CTNNA3: variants seen among roughly 807,000 people sequenced by gnomAD.
The protein encoded by CTNNA3 is catenin alpha 3, also known as catenin alpha-3.
A neutral mutation model predicts 95.7 loss-of-function variants in CTNNA3; 76 were observed. The observed-to-expected ratio is 0.79, with a 90% CI of 0.66 to 0.96. CTNNA3 has a LOEUF of 0.96. Among genes scored for constraint, CTNNA3 ranks in the 40% least tolerant of loss-of-function variants. The probability of loss-of-function intolerance (pLI) is 0.00; values close to 1 mark genes in which losing one functional copy is unlikely to be tolerated. For missense variants in CTNNA3, 1,191 were observed against 1,089.8 expected (o/e 1.09, Z -1.31); for synonymous variants, 431 against 374.4 (o/e 1.15, Z -1.74).
chr10:67,528,197 A>T (rs1840208802), intron 4 of CTNNA3, among the ~76,000 whole-genome samples: 1 of 152,320 alleles, frequency 6.6e-6, no homozygotes, highest in South Asian at 2.1e-4. Flanking sequence ...CTAAATGGCT[A>T]GTATCATTAT....
At chr10:66,585,816 T>C (rs1843342838) in intron 10 of CTNNA3, among the ~76,000 whole-genome samples, 1 of 152,050 alleles carries the variant, frequency 6.6e-6, no homozygotes, top group South Asian at 2.1e-4. Flanking sequence ...TTTTTTTGAG[T>C]TGTCATAGAA....
At chr10:67,295,271 T>C (rs1244441258) in intron 5 of CTNNA3, among the ~76,000 whole-genome samples, 1 of 152,136 alleles carries the variant, frequency 6.6e-6, no homozygotes, top group African/African-American at 2.4e-5. Context: ...CAAAAGAAAA[T>C]TCTTTCTTAA....
chr10:66,365,634 G>A (rs549905580), intron 12 of CTNNA3, among the ~76,000 whole-genome samples: 2 of 152,116 alleles, frequency 1.3e-5, no homozygotes, highest in African/African-American at 2.4e-5. Context: ...CTGTAACATT[G>A]TCCAGTGATA....
chr10:66,953,063 C>G (rs1222734935), intron 7 of CTNNA3, among the ~76,000 whole-genome samples: 1 of 152,040 alleles, frequency 6.6e-6, no homozygotes, highest in Non-Finnish European at 1.5e-5. Context: ...AGAAACAACT[C>G]TAGTGTACAG....
intron 9 of CTNNA3, among the ~76,000 whole-genome samples, chr10:66,690,699 C>T (rs915287876): frequency 6.6e-6 from 1 of 151,836 alleles, no homozygotes; most frequent in African/African-American, 2.4e-5. Flanking sequence ...ATATGTGCCA[C>T]ATTTTCTTAA....
intron 7 of CTNNA3, among the ~76,000 whole-genome samples, chr10:66,943,346 C>G (rs1397134544): frequency 6.6e-6 from 1 of 151,862 alleles, no homozygotes; most frequent in Non-Finnish European, 1.5e-5. Flanking sequence ...TTTTTTTTTA[C>G]ACTTTAACAC....
chr10:66,707,004 A>T (rs1848139476), intron 9 of CTNNA3, among the ~76,000 whole-genome samples: 1 of 152,042 alleles, frequency 6.6e-6, no homozygotes, highest in Non-Finnish European at 1.5e-5. Context: ...TATAAGAGAC[A>T]CACAAGAAGA....
intron 14 of CTNNA3, among the ~76,000 whole-genome samples, chr10:66,102,477 G>A (rs2081676440): frequency 6.6e-6 from 1 of 152,160 alleles, no homozygotes; most frequent in South Asian, 2.1e-4. Context: ...AGAAGGAGGT[G>A]GCAGATGCAC....
intron 10 of CTNNA3, among the ~76,000 whole-genome samples, chr10:66,588,094 T>C (rs767957780): frequency 6.6e-6 from 1 of 152,056 alleles, no homozygotes; most frequent in Non-Finnish European, 1.5e-5. Context: ...TGCTGGAGTG[T>C]GAAAGTGCAG....
In CTNNA3 at chr10:66,520,774, C is replaced by G. The variant is rs1381560135; in HGVS notation, c.1375-1G>C. On this transcript the variant is annotated splice_acceptor_variant, in intron 10 of 17. Transcript: ENST00000433211. LOFTEE classifies it high-confidence loss of function. ...CCAAAGCAAGTGCAGCATTAATAAT[C>G]TATAAAGATAAGGATTGAAAAAATT... 6.2e-7 allele frequency: 1 copy of G among 1,611,252 alleles called. No individual in the cohort carries two copies. Among genetic ancestry groups the G allele is most frequent in the Non-Finnish European group, 8.5e-7 (1 of 1,178,708 alleles).
rs201650754 is a variant in CTNNA3 at position 67,097,797 on chromosome 10, C to A, written c.1047+82520G>T. On this transcript the variant is annotated intron_variant, in intron 7 of 17. Coordinates refer to ENST00000433211, the MANE Select transcript of CTNNA3 (RefSeq NM_013266.4). Reference sequence around the variant, plus strand: ...TGACCATAAACAGCAGCTAGCTTAACTGAGATCATTGGTAGCCAGGGGTTG... The same window carrying A: ...TGACCATAAACAGCAGCTAGCTTAAATGAGATCATTGGTAGCCAGGGGTTG... The A allele has an allele frequency of 5.9e-4, 944 of 1,611,986 alleles. 10 individuals carry two copies. The highest frequency in any genetic ancestry group is 5.0e-3 in the South Asian group (454 of 91,048).
At chr10:66,369,804 G>A (rs1036340084) in intron 12 of CTNNA3, among the ~76,000 whole-genome samples, 5 of 151,776 alleles carry the variant, frequency 3.3e-5, no homozygotes, top group Non-Finnish European at 7.4e-5. Context: ...ACCTTATTTC[G>A]GCAACAGCTA....
At chr10:66,892,190 C>T (rs749293014) in intron 7 of CTNNA3, among the ~76,000 whole-genome samples, 1 of 152,042 alleles carries the variant, frequency 6.6e-6, no homozygotes, top group African/African-American at 2.4e-5. Flanking sequence ...GCTTTAAGTA[C>T]AATGGCAACT....
intron 7 of CTNNA3, among the ~76,000 whole-genome samples, chr10:67,094,332 A>C (rs1191442181): frequency 2.0e-5 from 3 of 151,906 alleles, no homozygotes; most frequent in Non-Finnish European, 2.9e-5. Flanking sequence ...ATAGCCTTTT[A>C]ATGTCATCTC....
chr10:67,061,437 C>T (rs1218703181), intron 7 of CTNNA3, among the ~76,000 whole-genome samples: 2 of 152,132 alleles, frequency 1.3e-5, no homozygotes, highest in Non-Finnish European at 2.9e-5. Context: ...CTCCCCCTGT[C>T]CTGGGTTTTT....
intron 15 of CTNNA3, among the ~76,000 whole-genome samples, chr10:66,042,344 G>A (rs1194554745): frequency 3.3e-5 from 5 of 152,096 alleles, no homozygotes; most frequent in African/African-American, 2.4e-5. Flanking sequence ...CAAGGTCTAT[G>A]TCATAGTATG....
chr10:66,537,853 A>G (rs1424512855), intron 10 of CTNNA3, among the ~76,000 whole-genome samples: 1 of 151,788 alleles, frequency 6.6e-6, no homozygotes, highest in African/African-American at 2.4e-5. Flanking sequence ...ATGGGTTAAT[A>G]TTCTCCTCAA....
At chr10:67,189,598 A>G (rs1305191684) in intron 6 of CTNNA3, among the ~76,000 whole-genome samples, 1 of 152,028 alleles carries the variant, frequency 6.6e-6, no homozygotes, top group Non-Finnish European at 1.5e-5. Flanking sequence ...ATTTTTATTC[A>G]CTAATTTAAA....
intron 1 of CTNNA3, among the ~76,000 whole-genome samples, chr10:67,714,225 C>T (rs1841129497): frequency 6.6e-6 from 1 of 152,202 alleles, no homozygotes; most frequent in Non-Finnish European, 1.5e-5. Context: ...ATCCATGCAC[C>T]TGGAAAAGCC....
Sources: gnomAD v4.1 joint callset for allele counts (sites outside exome capture counted in the v4.1 genomes callset) on GRCh38, gnomAD v4.1.1 for gene constraint, MANE v1.5 for transcripts, NCBI Gene and HGNC (gene_info 2026-07-23, HGNC 2026-07-21) for gene names.